SNAP47: variants seen among roughly 807,000 people sequenced by gnomAD.
The protein encoded by SNAP47 is synaptosome associated protein 47.
In SNAP47, 20 loss-of-function variants were observed where a neutral mutation model predicts 31.4. That is an observed-to-expected ratio of 0.64 (90% CI 0.45 to 0.93). The LOEUF (loss-of-function observed/expected upper bound fraction) is 0.93, where lower values mean the gene tolerates loss of function less well. Among genes scored for constraint, SNAP47 ranks in the 40% least tolerant of loss-of-function variants. SNAP47 has a pLI of 0.00. For synonymous variants in SNAP47, 194 were observed against 213.4 expected (o/e 0.91, Z 0.79); for missense variants, 492 against 528.5 (o/e 0.93, Z 0.68).
Position 227,763,074 on chromosome 1 carries a change from G to A in SNAP47, c.988+3589G>A, listed in dbSNP as rs541557599. 3.9e-5 allele frequency among the ~76,000 whole-genome samples: 6 copies of A among 151,980 alleles called. No individual in the cohort carries two copies. In the South Asian group the frequency reaches 1.0e-3, roughly 26 times the overall value. On this transcript the variant is annotated intron_variant, in intron 3 of 4. Coordinates refer to ENST00000617596, the MANE Select transcript of SNAP47 (RefSeq NM_053052.4). The surrounding 1 kb of genome is among the most constrained non-coding windows in gnomAD (Gnocchi z 4.2). ...TGGGCCCAAGACATCCTCCTGCCTT[G>A]GCCTCTCAAGTAGCTGGGACTATAG...
In SNAP47 at chr1:227,761,183, G is replaced by A. The variant is rs567746434; in HGVS notation, c.988+1698G>A. Among the ~76,000 whole-genome samples, 7 of 152,166 alleles carry A rather than the reference G, an allele frequency of 4.6e-5. No individual in the cohort carries two copies. The East Asian group carries it at 1.4e-3, about 29-fold the overall frequency. On this transcript the variant is annotated intron_variant, in intron 3 of 4. Coordinates refer to ENST00000617596, the MANE Select transcript of SNAP47 (RefSeq NM_053052.4). ...AGTAAGAGATATTTGCTACCCTTTC[G>A]GTTTCTCTAATTTTTCTCTTAAGAG...
rs140750589 is a variant in SNAP47 at position 227,772,923 on chromosome 1, T to C, written c.1113+5840T>C. On this transcript the variant is annotated intron_variant, in intron 4 of 4. Transcript: ENST00000617596. ...CACTTAATTCCATTTTGCAGTCTAA[T>C]GTCACTGTTTTGATTACTGTAGCTT... Among the ~76,000 whole-genome samples the C allele has an allele frequency of 1.5e-4, 23 of 152,276 alleles. No individual in the cohort carries two copies. The East Asian group carries it at 4.4e-3, about 29-fold the overall frequency.
chr1:227,745,242 A>C (rs1233617634), intron 1 of SNAP47, among the ~76,000 whole-genome samples: 2 of 152,220 alleles, frequency 1.3e-5, no homozygotes, highest in African/African-American at 4.8e-5. Flanking sequence ...AAAACAGAGC[A>C]TGCAAAATCA....
At chr1:227,772,282 AC>A (rs912617163) in intron 4 of SNAP47, among the ~76,000 whole-genome samples, 2 of 152,152 alleles carry the variant, frequency 1.3e-5, no homozygotes, top group African/African-American at 4.8e-5. Flanking sequence ...AATGAAATTC[AC>A]CACCATCATC....
chr1:227,774,839 C>T (rs1170963591), intron 4 of SNAP47, among the ~76,000 whole-genome samples: 1 of 152,228 alleles, frequency 6.6e-6, no homozygotes, highest in African/African-American at 2.4e-5. Context: ...GAGGGTTCAT[C>T]GTCCCTCAAG....
At chr1:227,773,733 G>A (rs926188313) in intron 4 of SNAP47, among the ~76,000 whole-genome samples, 1 of 152,228 alleles carries the variant, frequency 6.6e-6, no homozygotes, top group African/African-American at 2.4e-5. Flanking sequence ...GCTGCTTGGT[G>A]CTGTGGTGTG....
upstream of SNAP47, chr1:227,734,690 GGA>G (rs1558183849): frequency 2.4e-5 from 39 of 1,614,046 alleles, no homozygotes; most frequent in Non-Finnish European, 3.0e-5. Flanking sequence ...ACAGCCCCTG[GGA>G]GAGGAGTAGC....
At chr1:227,760,060 C>T (rs1174784483) in intron 3 of SNAP47, among the ~76,000 whole-genome samples, 1 of 152,212 alleles carries the variant, frequency 6.6e-6, no homozygotes. Context: ...GACTTCCCAG[C>T]CCACAGAACT....
At chr1:227,735,068 C>A (rs2102871246), upstream of SNAP47, 1 of 1,558,868 alleles carries the variant, frequency 6.4e-7, no homozygotes, top group Non-Finnish European at 8.7e-7. Flanking sequence ...CACCCAGCGC[C>A]GCCGGCTGCC....
chr1:227,736,689 T>A (rs922881585), intron 1 of SNAP47, among the ~76,000 whole-genome samples: 15 of 141,408 alleles, frequency 1.1e-4, no homozygotes, highest in African/African-American at 4.0e-4. Flanking sequence ...TGTTTTTGTT[T>A]TTTTTTTTTT....
At chr1:227,749,344 G>A (rs1229131904) in intron 2 of SNAP47, among the ~76,000 whole-genome samples, 2 of 152,158 alleles carry the variant, frequency 1.3e-5, no homozygotes, top group African/African-American at 4.8e-5. Context: ...CAGGTAGAAA[G>A]TTTACTCCCT....
upstream of SNAP47, chr1:227,734,613 G>C (rs373083206): frequency 1.2e-6 from 2 of 1,608,096 alleles, no homozygotes. Flanking sequence ...CGCAGCGCTA[G>C]GGAAGGCAGC....
At chr1:227,736,109 G>A (rs1035337565) in intron 1 of SNAP47, 1 of 153,072 alleles carries the variant, frequency 6.5e-6, no homozygotes, top group Non-Finnish European at 1.5e-5. Flanking sequence ...AGGGGACATG[G>A]GATCTAGAGA....
intron 4 of SNAP47, among the ~76,000 whole-genome samples, chr1:227,778,469 T>C (rs1325677059): frequency 6.6e-6 from 1 of 152,218 alleles, no homozygotes; most frequent in Non-Finnish European, 1.5e-5. Context: ...ACGAGGGACA[T>C]AGGGACTGAG....
At chr1:227,769,815 A>G (rs1263841692) in intron 4 of SNAP47, among the ~76,000 whole-genome samples, 1 of 152,178 alleles carries the variant, frequency 6.6e-6, no homozygotes, top group African/African-American at 2.4e-5. Flanking sequence ...GGCCCACGCC[A>G]TGGACGCGGT....
At chr1:227,745,327 G>A (rs998420311) in intron 1 of SNAP47, among the ~76,000 whole-genome samples, 14 of 152,050 alleles carry the variant, frequency 9.2e-5, no homozygotes, top group Admixed American at 4.6e-4. Flanking sequence ...CTCTCCCCAG[G>A]TGCAGCCATC....
chr1:227,751,827 G>A (rs369756409), intron 2 of SNAP47, among the ~76,000 whole-genome samples: 25 of 126,094 alleles, frequency 2.0e-4, no homozygotes, highest in Non-Finnish European at 3.6e-4. Flanking sequence ...GCAGTGGCGC[G>A]ATCTCTGCTC....
intron 1 of SNAP47, among the ~76,000 whole-genome samples, chr1:227,742,674 G>A (rs2102901643): frequency 6.6e-6 from 1 of 152,288 alleles, no homozygotes; most frequent in South Asian, 2.1e-4. Flanking sequence ...GGTGAGGCGT[G>A]GTCCCTCCCC....
intron 1 of SNAP47, 34 bp downstream of exon 1, chr1:227,735,533 C>T (rs1251422338): frequency 2.3e-5 from 32 of 1,366,654 alleles, no homozygotes; most frequent in Non-Finnish European, 2.9e-5. Flanking sequence ...GGGCGCCCGG[C>T]CCAAGCCAAG....
Sources: allele counts gnomAD v4.1 joint callset (sites outside exome capture counted in the v4.1 genomes callset), GRCh38; gene constraint gnomAD v4.1.1; non-coding constraint Gnocchi (gnomAD v3.1); transcripts MANE v1.5; gene names NCBI Gene and HGNC (gene_info 2026-07-23, HGNC 2026-07-21).